Variants in SDK1 observed in about 807,000 individuals in gnomAD.
SDK1 encodes sidekick cell adhesion molecule 1, also known as protein sidekick-1.
SDK1 carries 157 observed loss-of-function variants against 245.5 expected under a neutral mutation model. That is an observed-to-expected ratio of 0.64 (90% CI 0.56 to 0.73). The LOEUF is 0.73. SDK1 is among the 30% of genes least tolerant of loss of function. SDK1 has a pLI of 0.00. For synonymous variants in SDK1, 1,647 were observed against 1,278.5 expected (o/e 1.29, Z -6.15); for missense variants, 3,583 against 3,002.3 (o/e 1.19, Z -4.52).
intron 11 of SDK1, among the ~76,000 whole-genome samples, 154 bp downstream of exon 11, chr7:3,969,578 G>C (rs1040828061): frequency 1.3e-5 from 2 of 152,178 alleles, no homozygotes; most frequent in Admixed American, 6.5e-5. Context: ...AATCTGTTGA[G>C]AAATTAAATT....
At chr7:4,161,934 T>A (rs973963399) in intron 32 of SDK1, 78 bp downstream of exon 32, 53 of 1,297,260 alleles carry the variant, frequency 4.1e-5, no homozygotes, top group Non-Finnish European at 4.3e-5. Flanking sequence ...ACGGCTGACA[T>A]GGACTGCAAG....
At chr7:3,695,416 A>G (rs1243657663) in intron 4 of SDK1, among the ~76,000 whole-genome samples, 1 of 152,238 alleles carries the variant, frequency 6.6e-6, no homozygotes, top group Non-Finnish European at 1.5e-5. Context: ...ATAGGCACCC[A>G]TAAGCATTTT....
At chr7:3,968,977 AAGAG>A (rs1375328989) in intron 10 of SDK1, among the ~76,000 whole-genome samples, 1 of 152,208 alleles carries the variant, frequency 6.6e-6, no homozygotes, top group East Asian at 1.9e-4. Context: ...ACAAGGCTGC[AAGAG>A]AGAGAAAGAG....
intron 26 of SDK1, among the ~76,000 whole-genome samples, chr7:4,128,616 G>C (rs1165464708): frequency 1.4e-5 from 2 of 142,218 alleles, no homozygotes; most frequent in African/African-American, 5.2e-5. Context: ...TCCCCTGGAG[G>C]AGAGCAGCTT....
chr7:3,615,112 G>A lies in SDK1; in HGVS notation c.299-3968G>A, dbSNP rs572974824. 5.9e-5 allele frequency among the ~76,000 whole-genome samples: 9 copies of A among 151,750 alleles called. No individual in the cohort carries two copies. In the South Asian group the frequency reaches 1.9e-3, roughly 31 times the overall value. ...CAGATTTTTGAGTTTCTATCTCGAA[G>A]CTTTTCCCTTTCGAAAAGATGTATG... On this transcript the variant is annotated intron_variant, in intron 1 of 44. Coordinates refer to ENST00000404826, the MANE Select transcript of SDK1 (RefSeq NM_152744.4).
chr7:3,975,114 C>G (rs373932818), intron 13 of SDK1, among the ~76,000 whole-genome samples: 7 of 152,142 alleles, frequency 4.6e-5, no homozygotes, highest in African/African-American at 1.7e-4. Context: ...GGCGGGAAAC[C>G]GTCAATCTCC....
At chr7:4,243,146 T>C (rs554196791) in intron 43 of SDK1, among the ~76,000 whole-genome samples, 30 of 152,346 alleles carry the variant, frequency 2.0e-4, no homozygotes, top group Admixed American at 1.8e-3. Flanking sequence ...AGATATTACA[T>C]GCCCTGCTTC....
At chr7:3,706,624 G>A (rs565157358) in intron 4 of SDK1, among the ~76,000 whole-genome samples, 2 of 152,208 alleles carry the variant, frequency 1.3e-5, no homozygotes, top group South Asian at 2.1e-4. Flanking sequence ...GGATGGTTGC[G>A]ATCTCCTGAC....
intron 1 of SDK1, among the ~76,000 whole-genome samples, chr7:3,510,263 A>G (rs1782537672): frequency 6.6e-6 from 1 of 152,188 alleles, no homozygotes; most frequent in Non-Finnish European, 1.5e-5. Flanking sequence ...TGCCTCAAGG[A>G]GTTTAACATT....
At chr7:3,793,021 A>G (rs1778855532) in intron 4 of SDK1, among the ~76,000 whole-genome samples, 1 of 152,210 alleles carries the variant, frequency 6.6e-6, no homozygotes, top group Non-Finnish European at 1.5e-5. Flanking sequence ...GATACTGAGA[A>G]TTGTGTAGGA....
chr7:3,391,245 TAATA>T (rs1021035699), intron 1 of SDK1, among the ~76,000 whole-genome samples: 10 of 152,172 alleles, frequency 6.6e-5, no homozygotes, highest in African/African-American at 2.4e-4. Flanking sequence ...ACCAGCGAAA[TAATA>T]GATAGACTCC....
At chr7:3,923,906 G>C (rs941778215) in intron 5 of SDK1, among the ~76,000 whole-genome samples, 1 of 152,142 alleles carries the variant, frequency 6.6e-6, no homozygotes, top group Non-Finnish European at 1.5e-5. Flanking sequence ...TTCAGGTTGG[G>C]CAGCCTCTCC....
At chr7:3,579,812 G>A (rs1486703361) in intron 1 of SDK1, among the ~76,000 whole-genome samples, 1 of 152,154 alleles carries the variant, frequency 6.6e-6, no homozygotes, top group Non-Finnish European at 1.5e-5. Context: ...GGAAGTCAAA[G>A]TATCCTTTGT....
chr7:4,094,011 C>CG (rs1781978842), intron 22 of SDK1, among the ~76,000 whole-genome samples: 1 of 152,078 alleles, frequency 6.6e-6, no homozygotes, highest in African/African-American at 2.4e-5. Flanking sequence ...CCATACAATC[C>CG]GGGGGCAGTC....
intron 17 of SDK1, among the ~76,000 whole-genome samples, chr7:4,043,889 C>G (rs1788826739): frequency 6.6e-6 from 1 of 152,016 alleles, no homozygotes; most frequent in South Asian, 2.1e-4. Context: ...GTTGTGGGTT[C>G]TAAGAGAAAA....
At position 4,145,774 on chromosome 7, in the gene SDK1, C is replaced by G. The variant is rs542857570; in HGVS notation, c.4281C>G (p.Thr1427=). Residue 1427 remains threonine, a synonymous_variant, in exon 29 of 45, where the codon ACC becomes ACG. Transcript: ENST00000404826. The stretch of plus-strand genomic sequence containing the variant: ...GCAGCAGCCCCCACACCTTCACCAC[C>G]GTGGAGGTCGGCGCCACAGTGAGGC... ...LASSSPHTFT[T]VEVGATVRQF... is the part of the protein sequence containing the mutation. The G allele has an allele frequency of 3.7e-6, 6 of 1,613,304 alleles. No homozygotes were observed. The South Asian group carries it at 6.6e-5, about 18-fold the overall frequency.
intron 1 of SDK1, among the ~76,000 whole-genome samples, chr7:3,312,141 C>T (rs985442290): frequency 7.2e-5 from 11 of 152,132 alleles, no homozygotes; most frequent in Non-Finnish European, 1.5e-4. Context: ...AAGATTGCAC[C>T]TCATAATTGG....
intron 1 of SDK1, among the ~76,000 whole-genome samples, chr7:3,365,563 C>T (rs191795459): frequency 6.6e-6 from 1 of 152,206 alleles, no homozygotes; most frequent in East Asian, 1.9e-4. Flanking sequence ...TTAATGATAT[C>T]AACTTATTTG....
At chr7:4,253,442 C>T (rs146208559) in intron 44 of SDK1, among the ~76,000 whole-genome samples, 1,766 of 152,246 alleles carry the variant, frequency 0.012, 16 homozygotes, top group Admixed American at 0.018. Context: ...GAATTTCCCA[C>T]ATTTTCTTCT....
Sources: allele counts gnomAD v4.1 joint callset (sites outside exome capture counted in the v4.1 genomes callset), GRCh38; gene constraint gnomAD v4.1.1; transcripts MANE v1.5; gene names NCBI Gene and HGNC (gene_info 2026-07-23, HGNC 2026-07-21).